Variants in SUFU observed in about 807,000 individuals in gnomAD.
SUFU encodes suppressor of fused homolog.
In SUFU, 7 loss-of-function variants were observed where a neutral mutation model predicts 58.9. That is an observed-to-expected ratio of 0.12 (90% CI 0.07 to 0.22). The LOEUF (loss-of-function observed/expected upper bound fraction) is 0.22. Among genes scored for constraint, SUFU ranks in the 10% least tolerant of loss-of-function variants. The pLI, the probability that SUFU is intolerant of heterozygous loss-of-function variation, is 1.00. For missense variants in SUFU, 451 were observed against 641.3 expected (o/e 0.70, Z 3.20); for synonymous variants, 232 against 254.8 (o/e 0.91, Z 0.85).
chr10:102,611,459 G>T (rs2135919549), intron 8 of SUFU, among the ~76,000 whole-genome samples: 1 of 152,340 alleles, frequency 6.6e-6, no homozygotes, highest in Admixed American at 6.5e-5. Flanking sequence ...GTCCACTCAA[G>T]GAGTCAGGAG....
chr10:102,534,557 C>T (rs568686568), intron 2 of SUFU, among the ~76,000 whole-genome samples: 3 of 152,352 alleles, frequency 2.0e-5, no homozygotes, highest in South Asian at 2.1e-4. Context: ...TTTCCAATGA[C>T]GGCCTCCCTT....
intron 2 of SUFU, among the ~76,000 whole-genome samples, chr10:102,548,887 C>A (rs144026543): frequency 6.6e-6 from 1 of 152,304 alleles, no homozygotes; most frequent in Non-Finnish European, 1.5e-5. Flanking sequence ...AAGCAGTCAT[C>A]CTCATTATTC....
At chr10:102,525,635 T>C (rs2135680004) in intron 2 of SUFU, among the ~76,000 whole-genome samples, 1 of 152,118 alleles carries the variant, frequency 6.6e-6, no homozygotes, top group African/African-American at 2.4e-5. Context: ...CCTGAGTAGC[T>C]GGGATTACAG....
chr10:102,506,759 G>T, intron 1 of SUFU, among the ~76,000 whole-genome samples: 1 of 152,164 alleles, frequency 6.6e-6, no homozygotes, highest in East Asian at 1.9e-4. Flanking sequence ...CTCACATTTG[G>T]GATCCCACGA....
chr10:102,518,341 T>C (rs1222888341), intron 2 of SUFU, among the ~76,000 whole-genome samples: 1 of 152,132 alleles, frequency 6.6e-6, no homozygotes, highest in Admixed American at 6.5e-5. Context: ...CCACCTCCTT[T>C]TTCTACCTCC....
At chr10:102,574,826 G>T (rs1395933791) in intron 3 of SUFU, among the ~76,000 whole-genome samples, 1 of 152,172 alleles carries the variant, frequency 6.6e-6, no homozygotes, top group Non-Finnish European at 1.5e-5. Context: ...GGAGGCCAAG[G>T]CAGGCGGATC....
In SUFU at chr10:102,506,753, C is replaced by T. The variant is rs2135609299; in HGVS notation, c.183-2416C>T. On this transcript the variant is annotated intron_variant, in intron 1 of 11. Transcript: ENST00000369902. ...TCCTGAAATTCATTTATATTCCTCACATTTGGGATCCCACGAGGTTTCTAG... is the reference window on the plus strand; with the variant it reads ...TCCTGAAATTCATTTATATTCCTCATATTTGGGATCCCACGAGGTTTCTAG... Among the ~76,000 whole-genome samples, 2 of 152,330 alleles carry T rather than the reference C, an allele frequency of 1.3e-5. 1 individual carries two copies.
Position 102,619,041 on chromosome 10 carries a change from AC to A in SUFU, c.1296+1616del. The A allele has an allele frequency of 6.2e-7, 1 of 1,611,188 alleles. No homozygotes were observed. The highest frequency in any genetic ancestry group is 1.3e-5 in the African/African-American group (1 of 74,222). ...GGGGCCTCCCCAAACTGCAGAATCT[AC>A]CCAGTTATGTTTGACATCCTCAGCT... On this transcript the variant is annotated intron_variant, in intron 10 of 11. Transcript: ENST00000369902. The surrounding 1 kb of genome is among the most constrained non-coding windows in gnomAD (Gnocchi z 4.2).
intron 2 of SUFU, among the ~76,000 whole-genome samples, chr10:102,510,467 C>T (rs986316920): frequency 9.9e-6 from 1 of 101,198 alleles, no homozygotes; most frequent in South Asian, 4.0e-4. Flanking sequence ...CTCGGCCTCC[C>T]AAAGTGCTGG....
At chr10:102,555,139 G>A (rs574614277) in intron 3 of SUFU, among the ~76,000 whole-genome samples, 15 of 151,926 alleles carry the variant, frequency 9.9e-5, no homozygotes, top group Admixed American at 9.2e-4. Flanking sequence ...GTGGTGGTGG[G>A]CGCCTGTGGT....
At chr10:102,594,104 G>A in intron 6 of SUFU, 39 bp downstream of exon 6, 3 of 1,600,818 alleles carry the variant, frequency 1.9e-6, no homozygotes, top group Non-Finnish European at 2.6e-6. Context: ...AGCACCCTGT[G>A]CCTAGGCCTC....
chr10:102,599,569 T>C, intron 8 of SUFU, 25 bp downstream of exon 8: 1 of 1,601,720 alleles, frequency 6.2e-7, no homozygotes, highest in Admixed American at 1.7e-5. Flanking sequence ...GTCCCTGGGC[T>C]GGAACAAGAG....
At chr10:102,544,027 A>G (rs2062829159) in intron 2 of SUFU, among the ~76,000 whole-genome samples, 2 of 152,190 alleles carry the variant, frequency 1.3e-5, no homozygotes, top group African/African-American at 4.8e-5. Flanking sequence ...TGAACCCAGG[A>G]GGTCATGGCT....
chr10:102,506,039 GAAAAAAAAAAAAAAAA>G (rs1170831161), intron 1 of SUFU, among the ~76,000 whole-genome samples: 18 of 84,204 alleles, frequency 2.1e-4, no homozygotes, highest in African/African-American at 7.6e-4. Context: ...TCTGTTATTT[GAAAAAAAAAAAAAAAA>G]AAAAAAAAAA....
At chr10:102,536,251 G>A (rs1163586678) in intron 2 of SUFU, among the ~76,000 whole-genome samples, 2 of 148,944 alleles carry the variant, frequency 1.3e-5, no homozygotes, top group Non-Finnish European at 3.0e-5. Flanking sequence ...AGGCGTGAGC[G>A]TGAGCCACTG....
At chr10:102,594,677 C>T (rs2063442819) in intron 6 of SUFU, among the ~76,000 whole-genome samples, 2 of 152,180 alleles carry the variant, frequency 1.3e-5, no homozygotes, top group South Asian at 4.1e-4. Context: ...TAGAAGCATT[C>T]CTTTGTCATG....
At chr10:102,623,610 C>G (rs2063761063) in intron 10 of SUFU, among the ~76,000 whole-genome samples, 1 of 152,244 alleles carries the variant, frequency 6.6e-6, no homozygotes, top group African/African-American at 2.4e-5. Flanking sequence ...AGAGCATCCT[C>G]TATCACCATG....
At chr10:102,599,287 G>A (rs2063493300) in intron 7 of SUFU, 146 bp from the exon 8 acceptor site, 5 of 729,504 alleles carry the variant, frequency 6.9e-6, no homozygotes, top group Non-Finnish European at 1.0e-5. Context: ...CTCACTCAGC[G>A]CTTACATCTG....
chr10:102,563,960 C>T (rs2063064169), intron 3 of SUFU, among the ~76,000 whole-genome samples: 1 of 152,130 alleles, frequency 6.6e-6, no homozygotes, highest in Non-Finnish European at 1.5e-5. Context: ...CAGCAGAATC[C>T]TGTCTCAAGC....
Sources: gnomAD v4.1 joint callset for allele counts (sites outside exome capture counted in the v4.1 genomes callset) on GRCh38, gnomAD v4.1.1 for gene constraint, Gnocchi (gnomAD v3.1) non-coding constraint, MANE v1.5 for transcripts, NCBI Gene and HGNC (gene_info 2026-07-23, HGNC 2026-07-21) for gene names.